The following XPR1 variants were observed in gnomAD, a reference collection of about 807,000 sequenced individuals.
The protein encoded by XPR1 is xenotropic and polytropic retrovirus receptor 1, also known as solute carrier family 53 member 1.
Under a neutral mutation model 87.5 loss-of-function variants are expected in XPR1, and 28 were observed. The observed-to-expected ratio is 0.32, with a 90% CI of 0.24 to 0.44. The LOEUF is 0.44. Among genes scored for constraint, XPR1 ranks in the 20% least tolerant of loss-of-function variants. XPR1 has a pLI of 1.00. For missense variants in XPR1, 559 were observed against 862.3 expected (o/e 0.65, Z 4.41); for synonymous variants, 300 against 306.1 (o/e 0.98, Z 0.21).
At chr1:180,703,378 T>G (rs1366110193) in intron 2 of XPR1, among the ~76,000 whole-genome samples, 1 of 152,160 alleles carries the variant, frequency 6.6e-6, no homozygotes, top group Non-Finnish European at 1.5e-5. Flanking sequence ...AGAGCAGACC[T>G]ATCTGCAGGC....
In XPR1 at chr1:180,863,689, T is replaced by C; in HGVS notation, c.1502-19T>C. On this transcript the variant is annotated intron_variant, in intron 11 of 14. Coordinates refer to ENST00000367590, the MANE Select transcript of XPR1 (RefSeq NM_004736.4). ...AATGTAGTAATTTTCTCTTTTCTCT[T>C]TCCCTCTTCTTTCTTCAGAACGAGG... 6 of 1,542,092 alleles carry C rather than the reference T, an allele frequency of 3.9e-6. No individual in the cohort carries two copies. Among genetic ancestry groups the C allele is most frequent in the Non-Finnish European group, 5.2e-6 (6 of 1,149,790 alleles).
intron 11 of XPR1, among the ~76,000 whole-genome samples, chr1:180,859,248 T>C (rs1440721624): frequency 6.6e-6 from 1 of 152,216 alleles, no homozygotes; most frequent in East Asian, 1.9e-4. Flanking sequence ...TTTTTTCTTT[T>C]TTAATCATTC....
chr1:180,724,070 G>C (rs1258523894), intron 2 of XPR1, among the ~76,000 whole-genome samples: 1 of 152,074 alleles, frequency 6.6e-6, no homozygotes, highest in African/African-American at 2.4e-5. Flanking sequence ...GAGATGAGAA[G>C]GTAGTCAAAA....
chr1:180,676,432 G>A (rs553458985), intron 1 of XPR1, among the ~76,000 whole-genome samples: 4 of 152,028 alleles, frequency 2.6e-5, no homozygotes, highest in Non-Finnish European at 5.9e-5. Context: ...TTCTCTGGCT[G>A]GACCAATTTT....
At chr1:180,768,900 A>G (rs1328059921) in intron 2 of XPR1, among the ~76,000 whole-genome samples, 2 of 152,184 alleles carry the variant, frequency 1.3e-5, no homozygotes, top group Non-Finnish European at 2.9e-5. Context: ...TAAAATGGGC[A>G]TTTATTGAAG....
chr1:180,727,621 G>A (rs956578349), intron 2 of XPR1, among the ~76,000 whole-genome samples: 2 of 152,154 alleles, frequency 1.3e-5, no homozygotes, highest in African/African-American at 4.8e-5. Context: ...TGCAGCCTGG[G>A]TGGCAAGAGT....
chr1:180,681,699 A>T (rs530682071), intron 1 of XPR1, among the ~76,000 whole-genome samples: 36 of 152,082 alleles, frequency 2.4e-4, no homozygotes, highest in Non-Finnish European at 4.9e-4. Flanking sequence ...ACAGAGCCTT[A>T]CTCTCTCTCC....
rs1652276979 is a variant in XPR1 at position 180,863,236 on chromosome 1, T to C, written c.1502-472T>C. ...ACTTAGGATTATCTGGTTGCCATCA[T>C]GATAAGTATGGACAACATCTAAGTG... On this transcript the variant is annotated intron_variant, in intron 11 of 14. Coordinates refer to ENST00000367590, the MANE Select transcript of XPR1 (RefSeq NM_004736.4). Among the ~76,000 whole-genome samples the C allele has an allele frequency of 2.0e-5, 3 of 152,234 alleles. 1 individual carries two copies. The highest frequency in any genetic ancestry group is 3.9e-4 in the East Asian group (2 of 5,184).
At chr1:180,633,237 A>G (rs113534425) in intron 1 of XPR1, among the ~76,000 whole-genome samples, 4 of 152,234 alleles carry the variant, frequency 2.6e-5, no homozygotes, top group African/African-American at 9.6e-5. Context: ...TCAGAAGACA[A>G]GATACCTAAG....
At chr1:180,786,170 A>G (rs1023255652) in intron 2 of XPR1, among the ~76,000 whole-genome samples, 2 of 149,748 alleles carry the variant, frequency 1.3e-5, no homozygotes, top group African/African-American at 2.4e-5. Flanking sequence ...GTGTAAATAA[A>G]AGTTTTGTGC....
chr1:180,736,744 T>A (rs1345654586), intron 2 of XPR1, among the ~76,000 whole-genome samples: 1 of 152,150 alleles, frequency 6.6e-6, no homozygotes. Flanking sequence ...CTTGACCTTC[T>A]GTAAATAACT....
intron 2 of XPR1, among the ~76,000 whole-genome samples, chr1:180,781,216 T>C (rs1373386095): frequency 6.6e-6 from 1 of 151,808 alleles, no homozygotes; most frequent in East Asian, 1.9e-4. Context: ...AATATGAACA[T>C]TGTTTCAACA....
intron 2 of XPR1, among the ~76,000 whole-genome samples, chr1:180,688,831 G>A: frequency 6.6e-6 from 1 of 151,982 alleles, no homozygotes; most frequent in East Asian, 1.9e-4. Flanking sequence ...TAATCTACGT[G>A]GGTAAATGCT....
chr1:180,689,329 G>A (rs1656901035), intron 2 of XPR1, among the ~76,000 whole-genome samples: 3 of 152,016 alleles, frequency 2.0e-5, no homozygotes. Flanking sequence ...TGATATATTT[G>A]AATATAATTT....
At chr1:180,705,524 GTTC>G (rs1657527585) in intron 2 of XPR1, among the ~76,000 whole-genome samples, 2 of 152,180 alleles carry the variant, frequency 1.3e-5, no homozygotes, top group Admixed American at 1.3e-4. Flanking sequence ...TCCAAAATAT[GTTC>G]TTATTAGGTT....
chr1:180,829,765 C>T (rs1393144916), intron 9 of XPR1, among the ~76,000 whole-genome samples: 1 of 151,826 alleles, frequency 6.6e-6, no homozygotes, highest in African/African-American at 2.4e-5. Context: ...ACATTTACTA[C>T]TCCCTTCTTT....
intron 10 of XPR1, among the ~76,000 whole-genome samples, chr1:180,835,802 G>A (rs1472407438): frequency 2.0e-5 from 3 of 152,166 alleles, no homozygotes; most frequent in Non-Finnish European, 4.4e-5. Flanking sequence ...TGGGTGTCTT[G>A]TGTTGTGGTG....
intron 2 of XPR1, among the ~76,000 whole-genome samples, chr1:180,725,909 G>C (rs1184906980): frequency 1.3e-5 from 2 of 152,206 alleles, no homozygotes; most frequent in Non-Finnish European, 2.9e-5. Context: ...ACATGGCCCT[G>C]ATAGTATCTA....
At chr1:180,783,272 A>C (rs1302204473) in intron 2 of XPR1, among the ~76,000 whole-genome samples, 1 of 151,894 alleles carries the variant, frequency 6.6e-6, no homozygotes, top group Non-Finnish European at 1.5e-5. Flanking sequence ...AACAAACAAA[A>C]ACTCTATTCA....
Sources: allele counts gnomAD v4.1 joint callset (sites outside exome capture counted in the v4.1 genomes callset), GRCh38; gene constraint gnomAD v4.1.1; transcripts MANE v1.5; gene names NCBI Gene and HGNC (gene_info 2026-07-23, HGNC 2026-07-21).